The following UBE2E2 variants were observed in gnomAD, a reference collection of about 807,000 sequenced individuals.
The protein encoded by UBE2E2 is ubiquitin-conjugating enzyme E2 E2.
UBE2E2 carries 6 observed loss-of-function variants against 24.7 expected under a neutral mutation model. The ratio of observed to expected loss-of-function variants is 0.24; its 90% CI spans 0.13 to 0.48. UBE2E2 has a LOEUF of 0.48. Among genes scored for constraint, UBE2E2 ranks in the 20% least tolerant of loss-of-function variants. UBE2E2 has a pLI of 0.99. For missense variants in UBE2E2, 169 were observed against 245.0 expected, an observed-to-expected ratio of 0.69 and a Z score of 2.07; for synonymous variants, 104 against 83.6, an observed-to-expected ratio of 1.24 and a Z score of -1.33.
At chr3:23,492,707 G>A (rs1475633807) in intron 3 of UBE2E2, among the ~76,000 whole-genome samples, 1 of 151,952 alleles carries the variant, frequency 6.6e-6, no homozygotes, top group Non-Finnish European at 1.5e-5. Context: ...AATATACATA[G>A]CTTATGTTTT....
At chr3:23,243,269 A>G (rs1697304160) in intron 3 of UBE2E2, among the ~76,000 whole-genome samples, 1 of 152,220 alleles carries the variant, frequency 6.6e-6, no homozygotes, top group Non-Finnish European at 1.5e-5. Context: ...TGGACAAACA[A>G]TACTACTACT....
intron 3 of UBE2E2, among the ~76,000 whole-genome samples, chr3:23,303,877 A>T (rs954867813): frequency 2.0e-5 from 3 of 152,148 alleles, no homozygotes; most frequent in Non-Finnish European, 4.4e-5. Flanking sequence ...CATAGGAATT[A>T]TACCGTTAAC....
At chr3:23,482,802 T>A (rs1465578577) in intron 3 of UBE2E2, among the ~76,000 whole-genome samples, 1 of 152,236 alleles carries the variant, frequency 6.6e-6, no homozygotes, top group Non-Finnish European at 1.5e-5. Flanking sequence ...ATAATAATCC[T>A]ATCTCACTTA....
At chr3:23,540,529 T>C (rs1695371546) in intron 5 of UBE2E2, among the ~76,000 whole-genome samples, 1 of 152,030 alleles carries the variant, frequency 6.6e-6, no homozygotes, top group African/African-American at 2.4e-5. Context: ...CTTAGCCTCC[T>C]GAGTAGCTGA....
At chr3:23,577,456 C>T (rs1696370570) in intron 5 of UBE2E2, among the ~76,000 whole-genome samples, 1 of 152,098 alleles carries the variant, frequency 6.6e-6, no homozygotes, top group Admixed American at 6.6e-5. Flanking sequence ...TAACTCTCTG[C>T]AATCCTGTGA....
At chr3:23,251,198 C>A (rs1055446402) in intron 3 of UBE2E2, among the ~76,000 whole-genome samples, 1 of 152,050 alleles carries the variant, frequency 6.6e-6, no homozygotes, top group African/African-American at 2.4e-5. Flanking sequence ...GCTGATGAAC[C>A]CTTCTGAAAT....
chr3:23,535,866 C>A (rs188147803), intron 5 of UBE2E2, among the ~76,000 whole-genome samples: 1 of 152,234 alleles, frequency 6.6e-6, no homozygotes, highest in African/African-American at 2.4e-5. Context: ...CGTGATCCGC[C>A]CGCCTCGGCC....
intron 3 of UBE2E2, among the ~76,000 whole-genome samples, chr3:23,296,682 C>G (rs1369913164): frequency 6.6e-6 from 1 of 152,168 alleles, no homozygotes; most frequent in East Asian, 1.9e-4. Context: ...TGTATATGTG[C>G]CACATTTTCT....
intron 4 of UBE2E2, among the ~76,000 whole-genome samples, chr3:23,515,329 C>T (rs1393654851): frequency 1.3e-5 from 2 of 152,006 alleles, no homozygotes; most frequent in African/African-American, 4.8e-5. Context: ...CAGGTGTGCA[C>T]ACACATGTAA....
intron 3 of UBE2E2, among the ~76,000 whole-genome samples, chr3:23,376,008 A>G (rs1696513021): frequency 6.6e-6 from 1 of 152,238 alleles, no homozygotes; most frequent in Non-Finnish European, 1.5e-5. Context: ...TTGGTAAATC[A>G]TGATATATAA....
At chr3:23,562,927 G>GT (rs1695970862) in intron 5 of UBE2E2, among the ~76,000 whole-genome samples, 1 of 151,902 alleles carries the variant, frequency 6.6e-6, no homozygotes, top group Non-Finnish European at 1.5e-5. Context: ...CCCCTTTATC[G>GT]TTTTTTATTG....
intron 3 of UBE2E2, among the ~76,000 whole-genome samples, chr3:23,318,420 G>A (rs1484855123): frequency 1.3e-5 from 2 of 152,078 alleles, no homozygotes; most frequent in Non-Finnish European, 2.9e-5. Context: ...TTCATCAATA[G>A]GTTATAACTT....
At chr3:23,390,973 A>G (rs151323260) in intron 3 of UBE2E2, among the ~76,000 whole-genome samples, 26 of 152,374 alleles carry the variant, frequency 1.7e-4, no homozygotes, top group Non-Finnish European at 3.1e-4. Context: ...ATATCTGTAT[A>G]TATAATAATG....
chr3:23,409,231 A>G (rs751662469), intron 3 of UBE2E2, among the ~76,000 whole-genome samples: 3 of 152,322 alleles, frequency 2.0e-5, no homozygotes, highest in Non-Finnish European at 4.4e-5. Flanking sequence ...ACACAACATC[A>G]CTAAAGCAGA....
chr3:23,293,640 TTGAA>T (rs1301047639), intron 3 of UBE2E2, among the ~76,000 whole-genome samples: 7 of 152,350 alleles, frequency 4.6e-5, no homozygotes, highest in South Asian at 4.1e-4. Flanking sequence ...TAGAAAAAGA[TTGAA>T]TGAGCTATTA....
At chr3:23,343,601 T>C (rs756662795) in intron 3 of UBE2E2, among the ~76,000 whole-genome samples, 29 of 152,104 alleles carry the variant, frequency 1.9e-4, no homozygotes, top group Non-Finnish European at 3.1e-4. Context: ...GAAGTGAACA[T>C]GTGTATTACT....
intron 4 of UBE2E2, among the ~76,000 whole-genome samples, chr3:23,502,557 C>G (rs1015251422): frequency 6.6e-6 from 1 of 152,142 alleles, no homozygotes; most frequent in African/African-American, 2.4e-5. Flanking sequence ...CTTCTTGTTG[C>G]AGGAACTTTT....
chr3:23,270,896 C>G, intron 3 of UBE2E2: 1 of 456,016 alleles, frequency 2.2e-6, no homozygotes. Flanking sequence ...CGATAATTGT[C>G]TAACATTTAT....
At chr3:23,440,599 A>G (rs2125407577) in intron 3 of UBE2E2, among the ~76,000 whole-genome samples, 2 of 152,346 alleles carry the variant, frequency 1.3e-5, no homozygotes, top group South Asian at 4.1e-4. Context: ...CCAGCCAAAC[A>G]AATCTGTCAG....
Sources: allele counts gnomAD v4.1 joint callset (sites outside exome capture counted in the v4.1 genomes callset), GRCh38; gene constraint gnomAD v4.1.1; transcripts MANE v1.5; gene names NCBI Gene and HGNC (gene_info 2026-07-23, HGNC 2026-07-21).